The following BCL2 variants were observed in gnomAD, a reference collection of about 807,000 sequenced individuals.
BCL2 encodes BCL2 apoptosis regulator, also known as apoptosis regulator Bcl-2.
Under a neutral mutation model 14.2 loss-of-function variants are expected in BCL2, and 1 was observed. That is an observed-to-expected ratio of 0.07 (90% CI 0.02 to 0.33). BCL2 has a LOEUF of 0.33. Among genes scored for constraint, BCL2 ranks in the 10% least tolerant of loss-of-function variants. BCL2 has a pLI of 0.99. For missense variants in BCL2, 247 were observed against 305.9 expected, an observed-to-expected ratio of 0.81 and a Z score of 1.44; for synonymous variants, 151 against 137.2, an observed-to-expected ratio of 1.10 and a Z score of -0.70.
chr18:63,162,024 C>T (rs1481335020), intron 2 of BCL2, among the ~76,000 whole-genome samples: 3 of 152,166 alleles, frequency 2.0e-5, no homozygotes, highest in Non-Finnish European at 2.9e-5. Flanking sequence ...CCCCCTCCCA[C>T]GTGCTGTTGA....
intron 2 of BCL2, among the ~76,000 whole-genome samples, chr18:63,204,974 T>C (rs1909795975): frequency 6.6e-6 from 1 of 152,208 alleles, no homozygotes; most frequent in South Asian, 2.1e-4. Context: ...AATGGTTCCT[T>C]ATTCTGATGG....
intron 2 of BCL2, among the ~76,000 whole-genome samples, chr18:63,159,260 C>T (rs1330961306): frequency 3.9e-5 from 6 of 152,186 alleles, no homozygotes; most frequent in Non-Finnish European, 8.8e-5. Context: ...GGAATTTCCA[C>T]ACCCGGTCTT....
At chr18:63,132,313 C>G (rs894905445) in intron 2 of BCL2, among the ~76,000 whole-genome samples, 1 of 152,210 alleles carries the variant, frequency 6.6e-6, no homozygotes, top group Admixed American at 6.5e-5. Context: ...AAAGTGAGCT[C>G]GTGGCAGAAC....
intron 2 of BCL2, among the ~76,000 whole-genome samples, chr18:63,178,350 G>A (rs1385761728): frequency 6.6e-6 from 1 of 152,162 alleles, no homozygotes; most frequent in Non-Finnish European, 1.5e-5. Context: ...ACCAGAGATG[G>A]AAGCGCGTCT....
chr18:63,204,931 G>A (rs1440473778), intron 2 of BCL2, among the ~76,000 whole-genome samples: 1 of 152,128 alleles, frequency 6.6e-6, no homozygotes, highest in Admixed American at 6.5e-5. Flanking sequence ...TGCATGGATG[G>A]GCGCTGGATA....
At chr18:63,268,071 G>A (rs1019236599) in intron 2 of BCL2, among the ~76,000 whole-genome samples, 4 of 152,122 alleles carry the variant, frequency 2.6e-5, no homozygotes, top group Admixed American at 6.5e-5. Flanking sequence ...CACGCATGGC[G>A]GAAGCCACTA....
rs1424292916 is a variant in BCL2 at position 63,128,718 on chromosome 18, C to G, written c.627G>C (p.Leu209=). The change falls in exon 3 of 3, where the codon CTG becomes CTC. Residue 209 remains leucine (L), a synonymous_variant. Coordinates refer to ENST00000333681, the MANE Select transcript of BCL2 (RefSeq NM_000633.3). ...VELYGPSMRP[L]FDFSWLSLKT... ...TCAGAGACAGCCAGGAGAAATCAAACAGAGGCCGCATGCTGGGGCCGTACA... is the reference window on the plus strand; with the variant it reads ...TCAGAGACAGCCAGGAGAAATCAAAGAGAGGCCGCATGCTGGGGCCGTACA... 1.3e-6 allele frequency: 1 copy of G among 780,938 alleles called. No homozygotes were observed. The highest frequency in any genetic ancestry group is 1.7e-5 in the Admixed American group (1 of 59,040). The allele number at this position is 780,938 out of a possible 1,614,324, so 48.4% of individuals were successfully genotyped here.
chr18:63,212,352 C>CAAA lies in BCL2; in HGVS notation c.586-83596_586-83594dup, dbSNP rs376847924. Among the ~76,000 whole-genome samples, 224 of 143,870 alleles carry CAAA rather than the reference C, an allele frequency of 1.6e-3. 2 individuals are homozygous for CAAA. The highest frequency in any genetic ancestry group is 5.6e-3 in the African/African-American group (193 of 34,718). The allele number at this position is 143,870 out of a possible 152,430, so 94.4% of individuals were successfully genotyped here. A position where few individuals can be genotyped will look rare whatever the true frequency, so the allele number is the denominator to read the frequency against. ...CAAACAAACAAACAAACAACAACAA[C>CAAA]AAAAAAAACACAAAAAAACTCCATT... On this transcript the variant is annotated intron_variant, in intron 2 of 2. Transcript: ENST00000333681.
intron 2 of BCL2, among the ~76,000 whole-genome samples, chr18:63,220,266 T>C (rs1174546683): frequency 6.6e-6 from 1 of 151,942 alleles, no homozygotes; most frequent in Non-Finnish European, 1.5e-5. Context: ...AGAACATAAG[T>C]TGACCGTCTG....
chr18:63,197,382 C>T (rs141578961), intron 2 of BCL2, among the ~76,000 whole-genome samples: 9 of 152,340 alleles, frequency 5.9e-5, no homozygotes, highest in African/African-American at 1.7e-4. Context: ...ATAGCAGCAC[C>T]GTGTCTGTCA....
intron 2 of BCL2, among the ~76,000 whole-genome samples, chr18:63,130,031 G>A (rs1273253094): frequency 1.3e-5 from 2 of 152,256 alleles, no homozygotes; most frequent in Admixed American, 6.5e-5. Flanking sequence ...ATCTCAAGTC[G>A]GGTCTGTAGT....
At chr18:63,202,877 G>A (rs1171251417) in intron 2 of BCL2, among the ~76,000 whole-genome samples, 1 of 152,208 alleles carries the variant, frequency 6.6e-6, no homozygotes, top group East Asian at 1.9e-4. Context: ...GGCCTGCCCT[G>A]CTGTGTCTTG....
intron 2 of BCL2, among the ~76,000 whole-genome samples, chr18:63,172,642 G>C (rs1174374858): frequency 3.3e-5 from 5 of 152,158 alleles, no homozygotes; most frequent in African/African-American, 1.2e-4. Flanking sequence ...TTAGCCAGGT[G>C]TGGTGGCGGG....
At chr18:63,293,951 T>C (rs1381704661) in intron 2 of BCL2, among the ~76,000 whole-genome samples, 1 of 123,128 alleles carries the variant, frequency 8.1e-6, no homozygotes, top group East Asian at 2.3e-4. Context: ...ACTCCTGTGC[T>C]TTTTTTCTCT....
At chr18:63,315,667 A>G (rs1568267627) in intron 2 of BCL2, 1 of 152,220 alleles carries the variant, frequency 6.6e-6, no homozygotes, top group Non-Finnish European at 1.5e-5. Flanking sequence ...ACTACCTTAC[A>G]CTATAAAATA....
chr18:63,195,476 A>T (rs1909420393), intron 2 of BCL2, among the ~76,000 whole-genome samples: 1 of 152,212 alleles, frequency 6.6e-6, no homozygotes, highest in Non-Finnish European at 1.5e-5. Flanking sequence ...CATCTGGCAC[A>T]CTTCAATAGC....
chr18:63,150,646 G>C (rs17678177), intron 2 of BCL2, among the ~76,000 whole-genome samples: 7,768 of 152,174 alleles, frequency 0.051, 306 homozygotes, highest in Non-Finnish European at 0.077. Context: ...TCTAGAATTA[G>C]ACTCTGCTCA....
In BCL2 at chr18:63,155,109, C is replaced by A. The variant is rs187284095; in HGVS notation, c.586-26350G>T. Among the ~76,000 whole-genome samples, 70 of 152,328 alleles carry A rather than the reference C, an allele frequency of 4.6e-4. 1 individual carries two copies. Among genetic ancestry groups the A allele is most frequent in the Non-Finnish European group, 8.7e-4 (59 of 68,032 alleles). On this transcript the variant is annotated intron_variant, in intron 2 of 2. Transcript: ENST00000333681. ...CATCTATAAGAATAAGAGGACGCTA[C>A]AACATCAACCACAAAGGCTGGGGTG... is the stretch of plus-strand genomic sequence containing the variant.
intron 2 of BCL2, among the ~76,000 whole-genome samples, chr18:63,259,778 A>G (rs1568250082): frequency 6.6e-6 from 1 of 152,252 alleles, no homozygotes; most frequent in Non-Finnish European, 1.5e-5. Flanking sequence ...AAAGCAAGTC[A>G]CAATTCAAAT....
Sources: gnomAD v4.1 joint callset for allele counts (sites outside exome capture counted in the v4.1 genomes callset) on GRCh38, gnomAD v4.1.1 for gene constraint, MANE v1.5 for transcripts, NCBI Gene and HGNC (gene_info 2026-07-23, HGNC 2026-07-21) for gene names.